Variants in NR1D2 observed in about 807,000 individuals in gnomAD.
NR1D2 encodes V-erbA-related protein 1-related.
In NR1D2, 25 loss-of-function variants were observed where a neutral mutation model predicts 52.2. That is an observed-to-expected ratio of 0.48 (90% confidence interval 0.35 to 0.67). The LOEUF (loss-of-function observed/expected upper bound fraction) is 0.67, where lower values mean the gene tolerates loss of function less well. NR1D2 is among the 30% of genes least tolerant of loss of function. The pLI, the probability that NR1D2 is intolerant of heterozygous loss-of-function variation, is 0.01. For missense variants in NR1D2, 681 were observed against 707.2 expected (o/e 0.96, Z 0.42); for synonymous variants, 259 against 230.1 (o/e 1.13, Z -1.14).
At chr3:23,957,172 G>T (rs1400220812) in intron 3 of NR1D2, among the ~76,000 whole-genome samples, 1 of 151,578 alleles carries the variant, frequency 6.6e-6, no homozygotes, top group Admixed American at 6.6e-5. Flanking sequence ...TAGTAGATTC[G>T]GGGTTTCATC....
intron 1 of NR1D2, among the ~76,000 whole-genome samples, chr3:23,950,597 A>G (rs556377153): frequency 1.3e-5 from 2 of 152,244 alleles, no homozygotes; most frequent in Non-Finnish European, 2.9e-5. Flanking sequence ...AGTAGCAAGA[A>G]TAGATGCCAA....
chr3:23,965,363 T>C lies in NR1D2; in HGVS notation c.1332+201T>C, dbSNP rs144531504. Among the ~76,000 whole-genome samples the C allele has an allele frequency of 9.4e-3, 1,411 of 149,670 alleles. 3 individuals carry two copies. Among genetic ancestry groups the C allele is most frequent in the Middle Eastern group, 0.021 (6 of 288 alleles). ...CAAGCATTCTCCAGCTTCAGCCTCC[T>C]GAGTAGCTGGGACTACAGGTGTGAG... On this transcript the variant is annotated intron_variant, in intron 6 of 7. Coordinates refer to ENST00000312521, the MANE Select transcript of NR1D2 (RefSeq NM_005126.5).
chr3:23,967,559 T>C (rs1377323473), intron 6 of NR1D2, among the ~76,000 whole-genome samples: 3 of 152,116 alleles, frequency 2.0e-5, no homozygotes, highest in Non-Finnish European at 4.4e-5. Flanking sequence ...GAGGTTGCAG[T>C]GAGCCAAGAT....
chr3:23,970,396 CTG>C (rs1345602413), intron 7 of NR1D2, among the ~76,000 whole-genome samples: 1 of 152,028 alleles, frequency 6.6e-6, no homozygotes, highest in Non-Finnish European at 1.5e-5. Flanking sequence ...TTGATTTAAT[CTG>C]TTTTTGAAAA....
intron 1 of NR1D2, among the ~76,000 whole-genome samples, chr3:23,950,355 C>T (rs1361995604): frequency 5.3e-5 from 8 of 152,210 alleles, no homozygotes; most frequent in Non-Finnish European, 8.8e-5. Context: ...CTTATCCTCT[C>T]TGAGCTCCTT....
rs1424242842 is a variant in NR1D2, at chr3:23,977,427, G to A, written c.*8G>A. 3 of 1,557,512 alleles carry A rather than the reference G, an allele frequency of 1.9e-6. No individual in the cohort carries two copies. Among genetic ancestry groups the A allele is most frequent in the Admixed American group, 4.0e-5 (2 of 50,166 alleles). On this transcript the variant is annotated 3_prime_UTR_variant, in exon 8 of 8. Transcript: ENST00000312521. Reference sequence around the variant, plus strand: ...TTTAAAGTTCACCCTTAAGGCCTTTGTTTATTTAAACATGAACTGATGGTA... The same window carrying A: ...TTTAAAGTTCACCCTTAAGGCCTTTATTTATTTAAACATGAACTGATGGTA...
chr3:23,955,336 G>A (rs948178917), intron 2 of NR1D2, among the ~76,000 whole-genome samples: 5 of 152,084 alleles, frequency 3.3e-5, no homozygotes, highest in African/African-American at 9.7e-5. Flanking sequence ...ATTCTTAATT[G>A]TTATCCAGAG....
intron 1 of NR1D2, among the ~76,000 whole-genome samples, chr3:23,945,889 G>A (rs1158532383): frequency 2.0e-5 from 3 of 150,570 alleles, no homozygotes; most frequent in Non-Finnish European, 4.4e-5. Flanking sequence ...TCGGCGGCGC[G>A]CGGGCGCCGG....
chr3:23,947,040 C>T (rs754841433), intron 1 of NR1D2, among the ~76,000 whole-genome samples: 1 of 151,858 alleles, frequency 6.6e-6, no homozygotes, highest in Non-Finnish European at 1.5e-5. Context: ...TTTTTTTAAC[C>T]TGTTGTCTCA....
In NR1D2 at chr3:23,978,888, A is replaced by G. The variant is rs1332161657; in HGVS notation, c.*1469A>G. 6.6e-6 allele frequency: 1 copy of G among 152,116 alleles called. No homozygotes were observed. The highest frequency in any genetic ancestry group is 1.5e-5 in the Non-Finnish European group (1 of 67,972). 9.4% of individuals were successfully genotyped at this position (152,116 alleles called of 1,614,324 possible). Reference sequence around the variant, plus strand: ...TAATAGTGGACTTGATTAAGTAGATAAGATCAGCATCTGTTTATGGTAGTA... The same window carrying G: ...TAATAGTGGACTTGATTAAGTAGATGAGATCAGCATCTGTTTATGGTAGTA... On this transcript the variant is annotated 3_prime_UTR_variant, in exon 8 of 8. Coordinates refer to ENST00000312521, the MANE Select transcript of NR1D2 (RefSeq NM_005126.5).
intron 1 of NR1D2, among the ~76,000 whole-genome samples, chr3:23,949,225 T>G (rs1705859784): frequency 6.6e-6 from 1 of 151,598 alleles, no homozygotes; most frequent in Admixed American, 6.6e-5. Flanking sequence ...ATTAGCCGGG[T>G]GTGGTGGCGG....
intron 4 of NR1D2, among the ~76,000 whole-genome samples, chr3:23,960,841 A>G (rs114395739): frequency 2.6e-5 from 4 of 152,346 alleles, no homozygotes; most frequent in Non-Finnish European, 2.9e-5. Flanking sequence ...TTTGGTAGCA[A>G]TAATGTTAGA....
Position 23,961,392 on chromosome 3 carries a change from T to TTC in NR1D2, c.518-584_518-583insCT, listed in dbSNP as rs1243831570. On this transcript the variant is annotated intron_variant, in intron 4 of 7. Transcript: ENST00000312521. Reference sequence around the variant, plus strand: ...TATTTCTTTTTTCTTTTTCTTTCTTTTTTTTTTTTTTTTTTTTTTTTAAGA... The same window carrying TTC: ...TATTTCTTTTTTCTTTTTCTTTCTTTTCTTTTTTTTTTTTTTTTTTTTTAAGA... Among the ~76,000 whole-genome samples, 78 of 139,460 alleles carry TTC rather than the reference T, an allele frequency of 5.6e-4. No homozygotes were observed. In the East Asian group the frequency reaches 0.014, roughly 25 times the overall value. The allele number at this position is 139,460 out of a possible 152,430, so 91.5% of individuals were successfully genotyped here.
Position 23,956,465 on chromosome 3 carries a change from G to T in NR1D2, c.372+340G>T. ...GTGAAATAACAAGGAACAAAACAGA[G>T]AAGGCACTACTTCTGCCTTGTGGGA... is the stretch of plus-strand genomic sequence containing the variant. On this transcript the variant is annotated intron_variant, in intron 3 of 7. Transcript: ENST00000312521. Among the ~76,000 whole-genome samples, 4 of 152,198 alleles carry T rather than the reference G, an allele frequency of 2.6e-5. 1 individual carries two copies. The South Asian group carries it at 8.3e-4, about 32-fold the overall frequency.
chr3:23,972,401 A>G (rs938949676), intron 7 of NR1D2, among the ~76,000 whole-genome samples: 5 of 152,236 alleles, frequency 3.3e-5, no homozygotes, highest in African/African-American at 1.2e-4. Flanking sequence ...AATCTCAAAC[A>G]TGATGTTTGC....
In NR1D2 at chr3:23,956,029, T is replaced by C. The variant is rs201718492; in HGVS notation, c.284-8T>C. 7 of 1,608,468 alleles carry C rather than the reference T, an allele frequency of 4.4e-6. No homozygotes were observed. Among genetic ancestry groups the C allele is most frequent in the Non-Finnish European group, 5.1e-6 (6 of 1,175,140 alleles). On this transcript the variant is annotated splice_polypyrimidine_tract_variant and splice_region_variant and intron_variant, in intron 2 of 7. Coordinates refer to ENST00000312521, the MANE Select transcript of NR1D2 (RefSeq NM_005126.5). ...CTACTTTTTACTTCGTGTCCTTTTG[T>C]GTCCTAGAATTTAGTGGCATGGTTC...
intron 7 of NR1D2, among the ~76,000 whole-genome samples, chr3:23,972,602 G>A (rs1706619458): frequency 6.6e-6 from 1 of 152,200 alleles, no homozygotes; most frequent in Non-Finnish European, 1.5e-5. Context: ...TTGAAGGTTT[G>A]ACTTTCATCC....
chr3:23,960,597 G>T (rs574603002), intron 4 of NR1D2, among the ~76,000 whole-genome samples: 1 of 152,180 alleles, frequency 6.6e-6, no homozygotes, highest in Non-Finnish European at 1.5e-5. Context: ...CTCCCAAAGC[G>T]CTGGGATTAC....
At chr3:23,953,510 A>G (rs1187529249) in intron 1 of NR1D2, among the ~76,000 whole-genome samples, 1 of 152,164 alleles carries the variant, frequency 6.6e-6, no homozygotes, top group Non-Finnish European at 1.5e-5. Context: ...TTTAACACCT[A>G]TAAAGAGCGA....
Sources: allele counts gnomAD v4.1 joint callset (sites outside exome capture counted in the v4.1 genomes callset), GRCh38; gene constraint gnomAD v4.1.1; transcripts MANE v1.5; gene names NCBI Gene and HGNC (gene_info 2026-07-23, HGNC 2026-07-21).